Variants in RECQL observed in about 807,000 individuals in gnomAD.
RECQL encodes ATP-dependent DNA helicase Q1.
Under a neutral mutation model 75.8 loss-of-function variants are expected in RECQL, and 73 were observed. The observed-to-expected ratio is 0.96, with a 90% CI of 0.80 to 1.17. RECQL has a LOEUF of 1.17. Ranked by LOEUF, RECQL falls within the 50% of genes most tolerant of loss-of-function variation. RECQL has a pLI of 0.00. For missense variants in RECQL, 699 were observed against 772.1 expected (o/e 0.91, Z 1.12); for synonymous variants, 248 against 254.4 (o/e 0.97, Z 0.24).
intron 5 of RECQL, 119 bp from the exon 6 acceptor site, chr12:21,483,693 G>C: frequency 2.9e-6 from 2 of 701,478 alleles, no homozygotes; most frequent in Non-Finnish European, 2.3e-6. Context: ...GCTCTTCTAG[G>C]AGCAGATGTT....
At chr12:21,477,662 C>T in intron 7 of RECQL, 141 bp downstream of exon 7, 1 of 571,066 alleles carries the variant, frequency 1.8e-6, no homozygotes, top group Non-Finnish European at 2.9e-6. Context: ...GCCCTAATCA[C>T]AGAATCTACT....
At chr12:21,491,489 A>G (rs769402548) in intron 3 of RECQL, 30 bp downstream of exon 3, 24 of 1,538,376 alleles carry the variant, frequency 1.6e-5, no homozygotes, top group Non-Finnish European at 2.1e-5. Flanking sequence ...AAGAAATAAA[A>G]CTAGCAAAAA....
At chr12:21,485,694 G>A (rs970383745) in intron 5 of RECQL, among the ~76,000 whole-genome samples, 3 of 151,960 alleles carry the variant, frequency 2.0e-5, no homozygotes, top group African/African-American at 7.3e-5. Flanking sequence ...AAAATATGAT[G>A]TCTGGAATTT....
Position 21,474,974 on chromosome 12 carries a change from C to G in RECQL, c.1222G>C (p.Asp408His). The change falls in exon 11 of 15, where the codon GAT (aspartate) becomes CAT (histidine). Residue 408 changes from aspartate to histidine, a missense_variant. Physicochemically the swap from Asp to His is moderately conservative, Grantham distance 81. Around this residue, in one of 2 missense-constraint regions of RECQL, gnomAD observed 669 missense variants for 713.5 expected, o/e 0.94. Coordinates refer to ENST00000444129, the MANE Select transcript of RECQL (RefSeq NM_002907.4). ...YYQESGRAGR[D>H]DMKADCILYY... ...AAAATACAGTCTGCTTTCATGTCAT[C>G]TCGACCTGTGGTGTGAGAAACCTTG... 1 of 1,612,120 alleles carries G rather than the reference C, an allele frequency of 6.2e-7. No homozygotes were observed. The highest frequency in any genetic ancestry group is 8.5e-7 in the Non-Finnish European group (1 of 1,178,674).
rs1565571187 is a variant in RECQL, at chr12:21,486,656, C to CCTTTTTTTTTTTTTTTT, written c.395-72_395-71insAAAAAAAAAAAAAAAAG. The CCTTTTTTTTTTTTTTTT allele has an allele frequency of 4.2e-5, 6 of 141,742 alleles. 3 individuals carry two copies. The highest frequency in any genetic ancestry group is 1.4e-4 in the African/African-American group (2 of 14,784). 8.8% of individuals were successfully genotyped at this position (141,742 alleles called of 1,614,324 possible). On this transcript the variant is annotated intron_variant, in intron 4 of 14. Coordinates refer to ENST00000444129, the MANE Select transcript of RECQL (RefSeq NM_002907.4). Reference sequence around the variant, plus strand: ...CTCAGAATCAGATGCAAACCATTCACGTTTTTTTTTTTTTTTTTTTTTTTT... The same window carrying CCTTTTTTTTTTTTTTTT: ...CTCAGAATCAGATGCAAACCATTCACCTTTTTTTTTTTTTTTTGTTTTTTTTTTTTTTTTTTTTTTTT...
intron 2 of RECQL, among the ~76,000 whole-genome samples, chr12:21,492,910 A>T (rs1943440397): frequency 6.6e-6 from 1 of 152,222 alleles, no homozygotes; most frequent in Admixed American, 6.5e-5. Context: ...TTATCCTTGC[A>T]GCTTCCAGCT....
chr12:21,492,702 A>G (rs1469257687), intron 2 of RECQL, among the ~76,000 whole-genome samples: 3 of 152,170 alleles, frequency 2.0e-5, no homozygotes, highest in Non-Finnish European at 4.4e-5. Context: ...CTCACTCATG[A>G]TATTAGGAAA....
At chr12:21,497,258 C>T (rs1943525296) in intron 2 of RECQL, among the ~76,000 whole-genome samples, 1 of 152,116 alleles carries the variant, frequency 6.6e-6, no homozygotes, top group Non-Finnish European at 1.5e-5. Flanking sequence ...ACCATGCTCC[C>T]CTTTGCCTCC....
intron 7 of RECQL, among the ~76,000 whole-genome samples, chr12:21,477,483 G>T (rs563675808): frequency 6.6e-6 from 1 of 152,066 alleles, no homozygotes; most frequent in East Asian, 1.9e-4. Context: ...ATGTTATTAG[G>T]GTCCTTAGTA....
chr12:21,490,268 C>A lies in RECQL; in HGVS notation c.325G>T (p.Val109Leu). The change falls in exon 4 of 15, where the codon GTA (valine) becomes TTA (leucine). Residue 109 changes from valine to leucine, a missense_variant. Physicochemically the swap from Val to Leu is conservative, Grantham distance 32. This residue lies in a region of RECQL where 669 missense variants were observed against 713.5 expected (regional missense o/e 0.94). Coordinates refer to ENST00000444129, the MANE Select transcript of RECQL (RefSeq NM_002907.4). ...CCTCCTGTAGGCATAACAAGAAATA[C>A]CTCCTTTCCAGCCATTGTTACGTTA... ...TINVTMAGKE[V>L]FLVMPTGGGK... 4 of 1,612,948 alleles carry A rather than the reference C, an allele frequency of 2.5e-6. No homozygotes were observed. The South Asian group carries it at 4.4e-5, about 18-fold the overall frequency.
At chr12:21,478,606 G>A (rs1402404903) in intron 6 of RECQL, among the ~76,000 whole-genome samples, 1 of 152,186 alleles carries the variant, frequency 6.6e-6, no homozygotes, top group Non-Finnish European at 1.5e-5. Context: ...CAAATACACT[G>A]ACATGAAATT....
chr12:21,491,808 A>G (rs1943421048), intron 2 of RECQL, 92 bp from the exon 3 acceptor site: 1 of 1,134,318 alleles, frequency 8.8e-7, no homozygotes, highest in African/African-American at 1.6e-5. Context: ...CGCCATATCA[A>G]TTACAGACAA....
chr12:21,474,195 A>C (rs1294119004), intron 11 of RECQL, among the ~76,000 whole-genome samples: 7 of 152,104 alleles, frequency 4.6e-5, no homozygotes, highest in Non-Finnish European at 4.4e-5. Context: ...AATATGCTTC[A>C]TGAGACTCTA....
chr12:21,485,986 T>C lies in RECQL; in HGVS notation c.501+493A>G, dbSNP rs543842630. Among the ~76,000 whole-genome samples the C allele has an allele frequency of 1.1e-4, 16 of 152,348 alleles. No homozygotes were observed. The South Asian group carries it at 3.1e-3, about 30-fold the overall frequency. Reference sequence around the variant, plus strand: ...TTCTTAATAATTCATATTTCATATTTAATTACACTGCATAATTAGCAATTC... The same window carrying C: ...TTCTTAATAATTCATATTTCATATTCAATTACACTGCATAATTAGCAATTC... On this transcript the variant is annotated intron_variant, in intron 5 of 14. Transcript: ENST00000444129.
rs772953268 is a variant in RECQL, at chr12:21,471,055, T to C, written c.1711A>G (p.Lys571Glu). The change falls in exon 14 of 15, where the codon AAA becomes GAA. Residue 571 changes from lysine to glutamate, a missense_variant. Transcript: ENST00000444129. Reference protein sequence around the residue: ...FTAYATISYLKIGPKANLLNN... With the variant: ...FTAYATISYLEIGPKANLLNN... ...AGAAGATTAGCTTTAGGTCCTATTT[T>C]CAAATACGAAATGGTAGCATAAGCT... The C allele has an allele frequency of 6.2e-7, 1 of 1,602,456 alleles. No homozygotes were observed. Among genetic ancestry groups the C allele is most frequent in the Non-Finnish European group, 8.5e-7 (1 of 1,175,488 alleles).
At position 21,490,259 on chromosome 12, in the gene RECQL, C is replaced by T; in HGVS notation, c.334G>A (p.Val112Ile). Residue 112 changes from valine (V) to isoleucine (I), a missense_variant, in exon 4 of 15, where the codon GTT becomes ATT. Physicochemically the swap from Val to Ile is conservative, Grantham distance 29 (BLOSUM62 3). Around this residue, in one of 2 missense-constraint regions of RECQL, gnomAD observed 669 missense variants for 713.5 expected, o/e 0.94. Coordinates refer to ENST00000444129, the MANE Select transcript of RECQL (RefSeq NM_002907.4). The stretch of plus-strand genomic sequence containing the variant: ...CTCTTTCCACCTCCTGTAGGCATAA[C>T]AAGAAATACCTCCTTTCCAGCCATT... ...VTMAGKEVFL[V>I]MPTGGGKSLC... 6.2e-7 allele frequency: 1 copy of T among 1,613,166 alleles called. No individual in the cohort carries two copies. Among genetic ancestry groups the T allele is most frequent in the African/African-American group, 1.3e-5 (1 of 74,998 alleles).
chr12:21,482,245 G>C (rs1286902905), intron 6 of RECQL, among the ~76,000 whole-genome samples: 1 of 141,158 alleles, frequency 7.1e-6, no homozygotes, highest in Non-Finnish European at 1.5e-5. Flanking sequence ...ATAAAGCAGT[G>C]GTCTTTTCTG....
intron 6 of RECQL, among the ~76,000 whole-genome samples, chr12:21,482,740 A>C (rs1044508278): frequency 6.6e-6 from 1 of 152,202 alleles, no homozygotes; most frequent in South Asian, 2.1e-4. Flanking sequence ...AGCAAATCCT[A>C]ATGTGTGAAA....
chr12:21,473,334 G>A (rs1292801696), intron 12 of RECQL, among the ~76,000 whole-genome samples: 2 of 152,104 alleles, frequency 1.3e-5, no homozygotes, highest in South Asian at 2.1e-4. Flanking sequence ...GCTGCCTGCA[G>A]TATGCAGTAC....
Sources: allele counts gnomAD v4.1 joint callset (sites outside exome capture counted in the v4.1 genomes callset), GRCh38; gene constraint gnomAD v4.1.1; regional missense constraint gnomAD v4.1.1; transcripts MANE v1.5; gene names NCBI Gene and HGNC (gene_info 2026-07-23, HGNC 2026-07-21).